The following LRPPRC variants were observed in gnomAD, a reference collection of about 807,000 sequenced individuals.
The protein encoded by LRPPRC is leucine rich pentatricopeptide repeat containing.
A neutral mutation model predicts 180.3 loss-of-function variants in LRPPRC; 120 were observed. The ratio of observed to expected loss-of-function variants is 0.67; its 90% confidence interval spans 0.57 to 0.77. The LOEUF is 0.77. Ranked by LOEUF, LRPPRC falls within the 30% of genes least tolerant of loss-of-function variation. The pLI is 0.00. For missense variants in LRPPRC, 2,012 were observed against 1,657.2 expected (o/e 1.21, Z -3.72); for synonymous variants, 723 against 600.0 (o/e 1.21, Z -3.00).
At chr2:43,966,584 A>G (rs1407132087) in intron 11 of LRPPRC, among the ~76,000 whole-genome samples, 1 of 151,388 alleles carries the variant, frequency 6.6e-6, no homozygotes, top group Non-Finnish European at 1.5e-5. Flanking sequence ...TAATTTTTGT[A>G]TTTTTACCAG....
At chr2:43,961,666 A>C (rs1270243405) in intron 12 of LRPPRC, among the ~76,000 whole-genome samples, 3 of 152,254 alleles carry the variant, frequency 2.0e-5, no homozygotes, top group Non-Finnish European at 4.4e-5. Context: ...GCTGAAGACA[A>C]AAGGCATTAT....
chr2:43,974,995 A>C, intron 7 of LRPPRC, 96 bp downstream of exon 7: 1 of 1,282,830 alleles, frequency 7.8e-7, no homozygotes. Flanking sequence ...ACATCTTTGA[A>C]AACAGGTATA....
chr2:43,966,651 G>C (rs868176761), intron 11 of LRPPRC, among the ~76,000 whole-genome samples: 38 of 151,246 alleles, frequency 2.5e-4, no homozygotes, highest in Middle Eastern at 3.4e-3. Context: ...CTTGTGATCT[G>C]CCTGCATCTG....
chr2:43,967,651 G>A lies in LRPPRC; in HGVS notation c.1370-3945C>T, dbSNP rs565646353. On this transcript the variant is annotated intron_variant, in intron 11 of 37. Transcript: ENST00000260665. Reference sequence around the variant, plus strand: ...AAAGGTTACAGTGAGCCAGTATCACGCCACTACACTCCAGCCTGGACAACA... The same window carrying A: ...AAAGGTTACAGTGAGCCAGTATCACACCACTACACTCCAGCCTGGACAACA... Among the ~76,000 whole-genome samples, 121 of 152,050 alleles carry A rather than the reference G, an allele frequency of 8.0e-4. 1 individual carries two copies. Among genetic ancestry groups the A allele is most frequent in the Non-Finnish European group, 1.2e-3 (84 of 67,952 alleles).
chr2:43,974,779 T>C (rs1268541702), intron 7 of LRPPRC, 21 bp from the exon 8 acceptor site: 1 of 1,610,684 alleles, frequency 6.2e-7, no homozygotes, highest in South Asian at 1.1e-5. Context: ...TTCCAGAAAT[T>C]AGAAGACAAA....
At chr2:43,889,405 CATA>C (rs2104969456) in intron 37 of LRPPRC, among the ~76,000 whole-genome samples, 1 of 148,260 alleles carries the variant, frequency 6.7e-6, no homozygotes, top group South Asian at 2.1e-4. Flanking sequence ...TTACCACTGA[CATA>C]ATATGCTTGG....
rs1378103649 is a variant in LRPPRC, at chr2:43,887,457, C to T, written c.*1143G>A. The T allele has an allele frequency of 2.0e-5, 3 of 152,230 alleles. No homozygotes were observed. Among genetic ancestry groups the T allele is most frequent in the Admixed American group, 6.5e-5 (1 of 15,276 alleles). The allele number at this position is 152,230 out of a possible 1,614,324, so 9.4% of individuals were successfully genotyped here. A position where few individuals can be genotyped will look rare whatever the true frequency, so the allele number is the denominator to read the frequency against. ...ACAGCACAAGTTGCAAGAGGCCCGC[C>T]TACGTCCCCAAGGCAAGGTCTCCCC... is the stretch of plus-strand genomic sequence containing the variant. On this transcript the variant is annotated 3_prime_UTR_variant, in exon 38 of 38. Transcript: ENST00000260665.
chr2:43,995,758 T>A (rs1444124016), intron 1 of LRPPRC, 41 bp downstream of exon 1: 4 of 1,347,596 alleles, frequency 3.0e-6, no homozygotes, highest in Non-Finnish European at 3.8e-6. Flanking sequence ...CGGGGGACCC[T>A]GGCGCCGCAG....
intron 36 of LRPPRC, among the ~76,000 whole-genome samples, chr2:43,892,235 T>G (rs1670515762): frequency 2.6e-5 from 4 of 152,208 alleles, no homozygotes. Context: ...AGTCTTATAT[T>G]AGAAGATGTC....
At chr2:43,934,131 G>A in intron 25 of LRPPRC, 59 bp downstream of exon 25, 2 of 946,674 alleles carry the variant, frequency 2.1e-6, no homozygotes, top group Non-Finnish European at 3.4e-6. Flanking sequence ...ATTTTTAAAT[G>A]TATTCTAATT....
intron 11 of LRPPRC, among the ~76,000 whole-genome samples, chr2:43,965,041 G>A (rs769848827): frequency 1.3e-5 from 2 of 152,108 alleles, no homozygotes; most frequent in African/African-American, 2.4e-5. Flanking sequence ...TTGCTCGGTC[G>A]CCCAAGCTGG....
At chr2:43,996,167 G>A (rs1161990871), upstream of LRPPRC, among the ~76,000 whole-genome samples, 1 of 152,188 alleles carries the variant, frequency 6.6e-6, no homozygotes, top group African/African-American at 2.4e-5. Flanking sequence ...ATTCATTATC[G>A]AAGCTTTTCT....
chr2:43,892,615 GT>G (rs1670531402), intron 36 of LRPPRC: 1 of 152,102 alleles, frequency 6.6e-6, no homozygotes, highest in Non-Finnish European at 1.5e-5. Flanking sequence ...TTGTTCTCAG[GT>G]GCCCTAATAA....
Position 43,949,592 on chromosome 2 carries a change from G to C in LRPPRC, c.1735+10C>G. Reference sequence around the variant, plus strand: ...TGGATAAGTTACAATCATCGAAATTGAAACGCTACCCGTCGGTCCTCGAGG... The same window carrying C: ...TGGATAAGTTACAATCATCGAAATTCAAACGCTACCCGTCGGTCCTCGAGG... On this transcript the variant is annotated intron_variant, in intron 16 of 37. Transcript: ENST00000260665. The C allele has an allele frequency of 1.2e-6, 2 of 1,611,012 alleles. No individual in the cohort carries two copies. Among genetic ancestry groups the C allele is most frequent in the Non-Finnish European group, 1.7e-6 (2 of 1,177,330 alleles).
Position 43,899,351 on chromosome 2 carries a change from T to A in LRPPRC, c.3710-17A>T. The A allele has an allele frequency of 6.2e-7, 1 of 1,610,230 alleles. No individual in the cohort carries two copies. Among genetic ancestry groups the A allele is most frequent in the South Asian group, 1.1e-5 (1 of 90,980 alleles). On this transcript the variant is annotated splice_polypyrimidine_tract_variant and intron_variant, in intron 33 of 37. Transcript: ENST00000260665. Reference sequence around the variant, plus strand: ...TGATGCTTACTGGAAAAATGACAGGTAAGAAAAATCTTTCATTAGAACAGT... The same window carrying A: ...TGATGCTTACTGGAAAAATGACAGGAAAGAAAAATCTTTCATTAGAACAGT...
intron 3 of LRPPRC, among the ~76,000 whole-genome samples, chr2:43,978,665 A>G (rs1457346924): frequency 1.3e-5 from 2 of 152,088 alleles, no homozygotes; most frequent in Non-Finnish European, 2.9e-5. Context: ...TTATCTATAT[A>G]GTTTTTAACT....
chr2:43,988,995 C>T (rs1674656054), intron 1 of LRPPRC, among the ~76,000 whole-genome samples: 1 of 152,116 alleles, frequency 6.6e-6, no homozygotes, highest in Non-Finnish European at 1.5e-5. Flanking sequence ...TCAGCCTCAG[C>T]TCCCAAGTAG....
In LRPPRC at chr2:43,901,542, G is replaced by C; in HGVS notation, c.3365-18C>G. Reference sequence around the variant, plus strand: ...CACAGCCTCTAAAATACAAGAGCAGGAGATGGCTTTTCTTATATGACCTGT... The same window carrying C: ...CACAGCCTCTAAAATACAAGAGCAGCAGATGGCTTTTCTTATATGACCTGT... On this transcript the variant is annotated intron_variant, in intron 31 of 37. Coordinates refer to ENST00000260665, the MANE Select transcript of LRPPRC (RefSeq NM_133259.4). The C allele has an allele frequency of 6.4e-7, 1 of 1,551,526 alleles. No individual in the cohort carries two copies. Among genetic ancestry groups the C allele is most frequent in the Non-Finnish European group, 8.9e-7 (1 of 1,122,980 alleles).
intron 25 of LRPPRC, among the ~76,000 whole-genome samples, chr2:43,932,123 C>CA (rs746600862): frequency 0.028 from 589 of 20,840 alleles, 165 homozygotes; most frequent in African/African-American, 0.031. Context: ...GACCCTGTCT[C>CA]AAAAAAAAAA....
Sources: allele counts gnomAD v4.1 joint callset (sites outside exome capture counted in the v4.1 genomes callset), GRCh38; gene constraint gnomAD v4.1.1; transcripts MANE v1.5; gene names NCBI Gene and HGNC (gene_info 2026-07-23, HGNC 2026-07-21).